Variants in CKAP2L observed in about 807,000 individuals in gnomAD.
The protein encoded by CKAP2L is cytoskeleton associated protein 2L.
Under a neutral mutation model 65.7 loss-of-function variants are expected in CKAP2L, and 42 were observed. The ratio of observed to expected loss-of-function variants is 0.64; its 90% CI spans 0.50 to 0.83. The LOEUF (loss-of-function observed/expected upper bound fraction) is 0.83, where lower values mean the gene tolerates loss of function less well. Among genes scored for constraint, CKAP2L ranks in the 40% least tolerant of loss-of-function variants. The probability of loss-of-function intolerance (pLI) is 0.00; values close to 1 mark genes in which losing one functional copy is unlikely to be tolerated. For missense variants in CKAP2L, 908 were observed against 871.0 expected (o/e 1.04, Z -0.53); for synonymous variants, 325 against 313.5 (o/e 1.04, Z -0.39).
intron 5 of CKAP2L, among the ~76,000 whole-genome samples, chr2:112,747,808 G>A (rs1479621328): frequency 6.6e-6 from 1 of 152,192 alleles, no homozygotes; most frequent in East Asian, 1.9e-4. Flanking sequence ...AAACAAGAAT[G>A]AACACTGGAG....
rs1680398546 is a variant in CKAP2L, at chr2:112,752,388, T to C, written c.1481A>G (p.Lys494Arg). Residue 494 changes from lysine (K) to arginine (R), a missense_variant, in exon 5 of 9, where the codon AAG becomes AGG. Coordinates refer to ENST00000302450, the MANE Select transcript of CKAP2L (RefSeq NM_152515.5). ...MELKTKRKVI[K>R]EMNISFWKSI... ...CTTCCAGAATGAAATATTCATTTCCTTTATTACTTTTCTTTTTGTTTTAAG... is the reference window on the plus strand; with the variant it reads ...CTTCCAGAATGAAATATTCATTTCCCTTATTACTTTTCTTTTTGTTTTAAG... 1.2e-6 allele frequency: 2 copies of C among 1,612,248 alleles called. No homozygotes were observed. The highest frequency in any genetic ancestry group is 2.2e-5 in the East Asian group (1 of 44,844).
chr2:112,747,366 TAGAGTA>T (rs750732169), intron 5 of CKAP2L, among the ~76,000 whole-genome samples: 6,310 of 52,102 alleles, frequency 0.12, 184 homozygotes, highest in Non-Finnish European at 0.15. Flanking sequence ...AAACAAATCC[TAGAGTA>T]AACATTTACA....
intron 6 of CKAP2L, 127 bp downstream of exon 6, chr2:112,746,293 T>C (rs1374300863): frequency 3.2e-6 from 2 of 629,466 alleles, no homozygotes; most frequent in East Asian, 5.7e-5. Flanking sequence ...TTCTTTATGG[T>C]AAGGTATGAC....
rs547289651 is a variant in CKAP2L at position 112,736,511 on chromosome 2, T to C, written c.*2312A>G. 5.9e-5 allele frequency: 9 copies of C among 152,330 alleles called. No individual in the cohort carries two copies. Among genetic ancestry groups the C allele is most frequent in the African/African-American group, 2.2e-4 (9 of 41,574 alleles). The allele number at this position is 152,330 out of a possible 1,614,324, so 9.4% of individuals were successfully genotyped here. Reference sequence around the variant, plus strand: ...CTAAAATCTACTTATTTAACAAAAATCCCTAATACAATTGTATTAACTTTA... The same window carrying C: ...CTAAAATCTACTTATTTAACAAAAACCCCTAATACAATTGTATTAACTTTA... On this transcript the variant is annotated 3_prime_UTR_variant, in exon 9 of 9. Coordinates refer to ENST00000302450, the MANE Select transcript of CKAP2L (RefSeq NM_152515.5).
In CKAP2L at chr2:112,756,267, T is replaced by C. The variant is rs1680530294; in HGVS notation, c.1104A>G (p.Val368=). ...GGCTTATGGCTTTTGACTTTTGCAG[T>C]ACACATGATGTCTGAGGTATACAAA... ...SQVCIPQTSC[V]LQKSKAISQR... The change falls in exon 4 of 9, where the codon GTA becomes GTG. Residue 368 remains valine (V), a synonymous_variant. Transcript: ENST00000302450. The C allele has an allele frequency of 6.2e-7, 1 of 1,614,158 alleles. No individual in the cohort carries two copies. Among genetic ancestry groups the C allele is most frequent in the Non-Finnish European group, 8.5e-7 (1 of 1,180,008 alleles).
chr2:112,744,560 TATCATGC>T (rs1363851611), intron 6 of CKAP2L, among the ~76,000 whole-genome samples: 1 of 152,226 alleles, frequency 6.6e-6, no homozygotes, highest in African/African-American at 2.4e-5. Context: ...CTCTGAGGGA[TATCATGC>T]AAGATTAGGA....
Position 112,737,723 on chromosome 2 carries a change from T to C in CKAP2L, c.*1100A>G, listed in dbSNP as rs543285323. The C allele has an allele frequency of 1.3e-5, 2 of 152,302 alleles. No individual in the cohort carries two copies. The highest frequency in any genetic ancestry group is 2.4e-5 in the African/African-American group (1 of 41,554). 9.4% of individuals were successfully genotyped at this position (152,302 alleles called of 1,614,324 possible). On this transcript the variant is annotated 3_prime_UTR_variant, in exon 9 of 9. Transcript: ENST00000302450. The stretch of plus-strand genomic sequence containing the variant: ...AAATCTAGTTCCTGGATGAGGCTGA[T>C]AGACCTTTGATCAAAGTCCATTCTC...
intron 6 of CKAP2L, 29 bp downstream of exon 6, chr2:112,746,391 G>C: frequency 6.5e-7 from 1 of 1,546,204 alleles, no homozygotes; most frequent in Non-Finnish European, 8.8e-7. Flanking sequence ...AGAATTTTAA[G>C]AAGTTACCCA....
At chr2:112,762,714 C>T (rs1203990001) in intron 1 of CKAP2L, 145 bp from the exon 2 acceptor site, 12 of 638,248 alleles carry the variant, frequency 1.9e-5, no homozygotes, top group Non-Finnish European at 3.1e-5. Flanking sequence ...ATAAATGTGC[C>T]TTCAAGCTAA....
chr2:112,755,927 A>G lies in CKAP2L; in HGVS notation c.1394+50T>C, dbSNP rs4848298. On this transcript the variant is annotated intron_variant, in intron 4 of 8. Transcript: ENST00000302450. ...CCTGACCTAGTCTTCTTGATGGTCAATTTGCCTAATCATCTTAAGTTGCAA... is the reference window on the plus strand; with the variant it reads ...CCTGACCTAGTCTTCTTGATGGTCAGTTTGCCTAATCATCTTAAGTTGCAA... 738,666 of 1,500,956 alleles carry G rather than the reference A, an allele frequency of 0.49. 189,255 individuals are homozygous for G. Among genetic ancestry groups the G allele is most frequent in the East Asian group, 0.72 (31,589 of 43,864 alleles). 93.0% of individuals were successfully genotyped at this position (1,500,956 alleles called of 1,614,324 possible).
At chr2:112,759,331 G>C (rs1390182569) in intron 3 of CKAP2L, among the ~76,000 whole-genome samples, 2 of 152,066 alleles carry the variant, frequency 1.3e-5, no homozygotes, top group Non-Finnish European at 2.9e-5. Flanking sequence ...AACATGTCTG[G>C]GTGTTAGTTA....
At chr2:112,745,779 G>T (rs755518691) in intron 6 of CKAP2L, among the ~76,000 whole-genome samples, 1 of 152,144 alleles carries the variant, frequency 6.6e-6, no homozygotes, top group Non-Finnish European at 1.5e-5. Context: ...AGGTCTATAA[G>T]GATGGTAAAT....
rs1679405265 is a variant in CKAP2L at position 112,737,712 on chromosome 2, G to C, written c.*1111C>G. ...TTCCCTTAAAAAAATCTAGTTCCTG[G>C]ATGAGGCTGATAGACCTTTGATCAA... On this transcript the variant is annotated 3_prime_UTR_variant, in exon 9 of 9. Transcript: ENST00000302450. 6.6e-6 allele frequency: 1 copy of C among 152,054 alleles called. No individual in the cohort carries two copies. Among genetic ancestry groups the C allele is most frequent in the Non-Finnish European group, 1.5e-5 (1 of 68,018 alleles). 9.4% of individuals were successfully genotyped at this position (152,054 alleles called of 1,614,324 possible).
rs1464756177 is a variant in CKAP2L, at chr2:112,756,090, G to A, written c.1281C>T (p.Pro427=). ...CTGTCTTGTTCAGAAAATGGTTCTG[G>A]GGAACAGCCTTTTTCAACTTGGAGT... is the stretch of plus-strand genomic sequence containing the variant. ...TLDSKLKKAV[P]QNHFLNKTAP... Residue 427 remains proline, a synonymous_variant, in exon 4 of 9, where the codon CCC becomes CCT. Coordinates refer to ENST00000302450, the MANE Select transcript of CKAP2L (RefSeq NM_152515.5). 1.2e-6 allele frequency: 2 copies of A among 1,613,970 alleles called. No individual in the cohort carries two copies. Among genetic ancestry groups the A allele is most frequent in the Admixed American group, 1.7e-5 (1 of 59,990 alleles).
At chr2:112,760,892 CA>C in intron 2 of CKAP2L, 128 bp from the exon 3 acceptor site, 1 of 599,604 alleles carries the variant, frequency 1.7e-6, no homozygotes, top group Non-Finnish European at 3.0e-6. Flanking sequence ...CAAAATAATT[CA>C]AAATTATATT....
rs1389194229 is a variant in CKAP2L, at chr2:112,736,905, GAT to G, written c.*1916_*1917del. 1 of 152,050 alleles carries G rather than the reference GAT, an allele frequency of 6.6e-6. No homozygotes were observed. The highest frequency in any genetic ancestry group is 2.4e-5 in the African/African-American group (1 of 41,362). 9.4% of individuals were successfully genotyped at this position (152,050 alleles called of 1,614,324 possible). Reference sequence around the variant, plus strand: ...ACACTGCCACAAACATGTGAGTGCAGATATCTTTATGAGGTGATGATTTCATC... The same window carrying G: ...ACACTGCCACAAACATGTGAGTGCAGATCTTTATGAGGTGATGATTTCATC... On this transcript the variant is annotated 3_prime_UTR_variant, in exon 9 of 9. Transcript: ENST00000302450.
At position 112,756,816 on chromosome 2, in the gene CKAP2L, T is replaced by C; in HGVS notation, c.555A>G (p.Lys185=). The C allele has an allele frequency of 6.2e-7, 1 of 1,601,852 alleles. No individual in the cohort carries two copies. The highest frequency in any genetic ancestry group is 8.5e-7 in the Non-Finnish European group (1 of 1,176,606). Residue 185 remains lysine (K), a synonymous_variant, in exon 4 of 9, where the codon AAA becomes AAG. Coordinates refer to ENST00000302450, the MANE Select transcript of CKAP2L (RefSeq NM_152515.5). ...SLDNFLKETN[K]ENLLDILTEP... ...CTGTTAAGATATCGAGCAAGTTCTCTTTGTTTGTTTCTTTTAGAAAGTTAT... is the reference window on the plus strand; with the variant it reads ...CTGTTAAGATATCGAGCAAGTTCTCCTTGTTTGTTTCTTTTAGAAAGTTAT...
chr2:112,762,913 A>G (rs1311606592), intron 1 of CKAP2L, among the ~76,000 whole-genome samples: 1 of 151,868 alleles, frequency 6.6e-6, no homozygotes, highest in Non-Finnish European at 1.5e-5. Flanking sequence ...TCTCCTGAGT[A>G]GCTGGGAATA....
Position 112,736,465 on chromosome 2 carries a change from G to T in CKAP2L, c.*2358C>A, listed in dbSNP as rs1679186462. ...GAAGCAGATTAACATTATCATCTCA[G>T]TTTTTTTGTGATAATAGCAGCTAAA... is the stretch of plus-strand genomic sequence containing the variant. On this transcript the variant is annotated 3_prime_UTR_variant, in exon 9 of 9. Coordinates refer to ENST00000302450, the MANE Select transcript of CKAP2L (RefSeq NM_152515.5). 1 of 152,086 alleles carries T rather than the reference G, an allele frequency of 6.6e-6. No individual in the cohort carries two copies. Among genetic ancestry groups the T allele is most frequent in the South Asian group, 2.1e-4 (1 of 4,834 alleles). 9.4% of individuals were successfully genotyped at this position (152,086 alleles called of 1,614,324 possible).
Sources: gnomAD v4.1 joint callset for allele counts (sites outside exome capture counted in the v4.1 genomes callset) on GRCh38, gnomAD v4.1.1 for gene constraint, MANE v1.5 for transcripts, NCBI Gene and HGNC (gene_info 2026-07-23, HGNC 2026-07-21) for gene names.